The following GPC5 variants were observed in gnomAD, a reference collection of about 807,000 sequenced individuals.
GPC5 encodes the protein glypican 5.
A neutral mutation model predicts 53.9 loss-of-function variants in GPC5; 47 were observed. The ratio of observed to expected loss-of-function variants is 0.87; its 90% confidence interval spans 0.69 to 1.11. The LOEUF (loss-of-function observed/expected upper bound fraction) is 1.11, where lower values mean the gene tolerates loss of function less well. Among genes scored for constraint, GPC5 ranks in the 50% most tolerant of loss-of-function variants. The probability of loss-of-function intolerance (pLI) is 0.00; values close to 1 mark genes in which losing one functional copy is unlikely to be tolerated. For synonymous variants in GPC5, 286 were observed against 263.3 expected (o/e 1.09, Z -0.84); for missense variants, 748 against 713.1 (o/e 1.05, Z -0.56).
intron 3 of GPC5, among the ~76,000 whole-genome samples, chr13:91,725,855 A>G (rs1307677743): frequency 6.6e-6 from 1 of 152,198 alleles, no homozygotes; most frequent in Non-Finnish European, 1.5e-5. Context: ...TGAGAAAACT[A>G]AGATACATAG....
chr13:91,986,311 C>T (rs542154798), intron 6 of GPC5, among the ~76,000 whole-genome samples: 33 of 152,022 alleles, frequency 2.2e-4, no homozygotes, highest in African/African-American at 7.7e-4. Flanking sequence ...GTGATCCACC[C>T]GCCTCGGCCT....
intron 7 of GPC5, among the ~76,000 whole-genome samples, chr13:92,707,946 G>A (rs1032711798): frequency 3.3e-5 from 5 of 151,976 alleles, no homozygotes; most frequent in Non-Finnish European, 5.9e-5. Flanking sequence ...AACTTCATGG[G>A]CAAAGATGAC....
At chr13:92,102,863 GTTGT>G (rs919652182) in intron 6 of GPC5, among the ~76,000 whole-genome samples, 7 of 152,120 alleles carry the variant, frequency 4.6e-5, no homozygotes, top group Admixed American at 2.0e-4. Flanking sequence ...TGATGAGGTT[GTTGT>G]TTGTTTGTTT....
At chr13:92,640,126 G>T (rs1885541706) in intron 7 of GPC5, among the ~76,000 whole-genome samples, 1 of 151,656 alleles carries the variant, frequency 6.6e-6, no homozygotes, top group African/African-American at 2.4e-5. Flanking sequence ...ATATATATTT[G>T]CATGTATATA....
chr13:92,683,077 T>C (rs897158877), intron 7 of GPC5, among the ~76,000 whole-genome samples: 1 of 152,144 alleles, frequency 6.6e-6, no homozygotes, highest in Non-Finnish European at 1.5e-5. Context: ...CAGTATTTAG[T>C]GTCTAGACTG....
intron 7 of GPC5, among the ~76,000 whole-genome samples, chr13:92,312,417 A>G (rs1812796954): frequency 6.6e-6 from 1 of 152,192 alleles, no homozygotes; most frequent in South Asian, 2.1e-4. Flanking sequence ...ATATTCTGAA[A>G]AGATAAACTC....
At chr13:92,402,634 T>C (rs1000382287) in intron 7 of GPC5, among the ~76,000 whole-genome samples, 1 of 152,246 alleles carries the variant, frequency 6.6e-6, no homozygotes, top group African/African-American at 2.4e-5. Flanking sequence ...ACCCCTCACA[T>C]GCGCAGTTCA....
At chr13:92,820,057 G>C (rs972290769) in intron 7 of GPC5, among the ~76,000 whole-genome samples, 1 of 151,900 alleles carries the variant, frequency 6.6e-6, no homozygotes, top group Non-Finnish European at 1.5e-5. Flanking sequence ...CCCGATTACT[G>C]TCTACTAACG....
chr13:92,803,626 C>T (rs1876988517), intron 7 of GPC5, among the ~76,000 whole-genome samples: 1 of 151,806 alleles, frequency 6.6e-6, no homozygotes, highest in Admixed American at 6.6e-5. Flanking sequence ...TTATATATCC[C>T]ACTAATTTTA....
intron 1 of GPC5, among the ~76,000 whole-genome samples, chr13:91,420,442 C>CTGG (rs1878533651): frequency 6.6e-6 from 1 of 152,080 alleles, no homozygotes; most frequent in Non-Finnish European, 1.5e-5. Context: ...TTGGGGACTC[C>CTGG]TGGCTTTCAG....
At chr13:91,416,248 A>G (rs934923288) in intron 1 of GPC5, among the ~76,000 whole-genome samples, 2 of 152,192 alleles carry the variant, frequency 1.3e-5, no homozygotes, top group Admixed American at 6.5e-5. Flanking sequence ...ACCCTCATTA[A>G]GTTGACCTCA....
intron 4 of GPC5, among the ~76,000 whole-genome samples, chr13:91,752,913 A>T (rs1030379654): frequency 6.6e-6 from 1 of 152,182 alleles, no homozygotes; most frequent in African/African-American, 2.4e-5. Context: ...TTTTGGTAAA[A>T]TCCTCAGATG....
At chr13:92,302,223 C>G (rs2043080809) in intron 7 of GPC5, among the ~76,000 whole-genome samples, 1 of 151,900 alleles carries the variant, frequency 6.6e-6, no homozygotes, top group African/African-American at 2.4e-5. Context: ...TTATACTTAA[C>G]AGTGATTTTT....
At chr13:92,225,713 C>T (rs1252057636) in intron 7 of GPC5, among the ~76,000 whole-genome samples, 3 of 152,012 alleles carry the variant, frequency 2.0e-5, no homozygotes, top group African/African-American at 7.2e-5. Context: ...ATAATATGAA[C>T]TCAAGTTAGA....
chr13:92,650,254 G>A (rs1017549593), intron 7 of GPC5, among the ~76,000 whole-genome samples: 43 of 152,140 alleles, frequency 2.8e-4, no homozygotes, highest in African/African-American at 9.6e-4. Context: ...AATGCCATAC[G>A]CTTTCAGGAT....
intron 7 of GPC5, among the ~76,000 whole-genome samples, chr13:92,191,135 G>A (rs1269209342): frequency 6.6e-6 from 1 of 152,220 alleles, no homozygotes; most frequent in Admixed American, 6.5e-5. Context: ...GCATTATATA[G>A]TGATAAAGGG....
At chr13:91,509,525 A>G (rs576565349) in intron 2 of GPC5, among the ~76,000 whole-genome samples, 1 of 151,730 alleles carries the variant, frequency 6.6e-6, no homozygotes, top group Non-Finnish European at 1.5e-5. Context: ...AGTTGATGTG[A>G]TTAATAACCT....
intron 6 of GPC5, among the ~76,000 whole-genome samples, chr13:91,999,388 C>T (rs2040534768): frequency 6.6e-6 from 1 of 152,072 alleles, no homozygotes; most frequent in Non-Finnish European, 1.5e-5. Context: ...ACTTCAACCT[C>T]AAGGATGGAT....
intron 7 of GPC5, among the ~76,000 whole-genome samples, chr13:92,808,775 C>CTTTA (rs1367471437): frequency 2.6e-5 from 4 of 151,982 alleles, no homozygotes; most frequent in Admixed American, 2.6e-4. Context: ...AATTTTGACA[C>CTTTA]TTTATTTTTA....
Sources: gnomAD v4.1 joint callset for allele counts (sites outside exome capture counted in the v4.1 genomes callset) on GRCh38, gnomAD v4.1.1 for gene constraint, MANE v1.5 for transcripts, NCBI Gene and HGNC (gene_info 2026-07-23, HGNC 2026-07-21) for gene names.